TMEM178A: variants seen among roughly 807,000 people sequenced by gnomAD.
The protein encoded by TMEM178A is transmembrane protein 178A, also known as transmembrane protein 178.
A neutral mutation model predicts 29.1 loss-of-function variants in TMEM178A; 12 were observed. The observed-to-expected ratio is 0.41, with a 90% CI of 0.26 to 0.67. The LOEUF is 0.67. Ranked by LOEUF, TMEM178A falls within the 30% of genes least tolerant of loss-of-function variation. The pLI is 0.29. For synonymous variants in TMEM178A, 210 were observed against 187.2 expected (o/e 1.12, Z -0.99); for missense variants, 366 against 419.1 (o/e 0.87, Z 1.11).
chr2:39,705,440 T>C (rs1671982636), intron 2 of TMEM178A, among the ~76,000 whole-genome samples: 1 of 152,216 alleles, frequency 6.6e-6, no homozygotes, highest in South Asian at 2.1e-4. Flanking sequence ...GGCTGTAAGA[T>C]AATGGTGACT....
chr2:39,696,089 A>G (rs1162411846), intron 1 of TMEM178A, among the ~76,000 whole-genome samples: 1 of 152,178 alleles, frequency 6.6e-6, no homozygotes, highest in African/African-American at 2.4e-5. Flanking sequence ...CTGATGGGCA[A>G]CTGAGACTCC....
At chr2:39,729,440 CTTGG>C in the TMEM178A span, among the ~76,000 whole-genome samples, 1 of 152,168 alleles carries the variant, frequency 6.6e-6, no homozygotes, top group Non-Finnish European at 1.5e-5. Flanking sequence ...TGGTTTCTGC[CTTGG>C]AGAGGTGGGA....
intron 1 of TMEM178A, among the ~76,000 whole-genome samples, chr2:39,680,478 C>T (rs1013562064): frequency 2.0e-5 from 3 of 152,120 alleles, no homozygotes; most frequent in South Asian, 2.1e-4. Context: ...ACTTTTCTAT[C>T]GTTTCAGGAA....
chr2:39,670,664 T>C lies in TMEM178A; in HGVS notation c.400+4290T>C, dbSNP rs150989457. On this transcript the variant is annotated intron_variant, in intron 1 of 3. Transcript: ENST00000281961. Reference sequence around the variant, plus strand: ...ACAGGACAGATGGAAGCAGACTCAGTTGGAAACATTATGTAATGCTTCTTT... The same window carrying C: ...ACAGGACAGATGGAAGCAGACTCAGCTGGAAACATTATGTAATGCTTCTTT... Among the ~76,000 whole-genome samples, 405 of 152,346 alleles carry C rather than the reference T, an allele frequency of 2.7e-3. 1 individual carries two copies. Among genetic ancestry groups the C allele is most frequent in the African/African-American group, 9.4e-3 (392 of 41,574 alleles).
intron 1 of TMEM178A, among the ~76,000 whole-genome samples, chr2:39,703,080 A>G (rs745349143): frequency 6.6e-6 from 1 of 152,166 alleles, no homozygotes; most frequent in African/African-American, 2.4e-5. Flanking sequence ...TCACCTTTAT[A>G]TGCACTCAGA....
rs958542896 is a variant in TMEM178A, at chr2:39,665,945, C to T, written c.-30C>T. ...TTGTGTCTGGCGGCGGCGCGCGAGCCCACCGGCGGCTGCGGCGGGGCGGGA... is the reference window on the plus strand; with the variant it reads ...TTGTGTCTGGCGGCGGCGCGCGAGCTCACCGGCGGCTGCGGCGGGGCGGGA... On this transcript the variant is annotated 5_prime_UTR_variant, in exon 1 of 4. Transcript: ENST00000281961. The T allele has an allele frequency of 3.7e-6, 5 of 1,343,654 alleles. No homozygotes were observed. The African/African-American group carries it at 7.7e-5, about 21-fold the overall frequency. 83.2% of individuals were successfully genotyped at this position (1,343,654 alleles called of 1,614,324 possible).
intron 1 of TMEM178A, among the ~76,000 whole-genome samples, chr2:39,688,512 A>G (rs1435133046): frequency 6.6e-6 from 1 of 152,256 alleles, no homozygotes; most frequent in East Asian, 1.9e-4. Flanking sequence ...GGTGAGTGCC[A>G]TCCTCAACTC....
chr2:39,668,615 G>A (rs1670278905), intron 1 of TMEM178A, among the ~76,000 whole-genome samples: 1 of 152,190 alleles, frequency 6.6e-6, no homozygotes, highest in Admixed American at 6.5e-5. Context: ...TGTAAATTTA[G>A]CTTCTTGCAA....
At chr2:39,688,810 A>G (rs1261735837) in intron 1 of TMEM178A, among the ~76,000 whole-genome samples, 2 of 152,250 alleles carry the variant, frequency 1.3e-5, no homozygotes, top group African/African-American at 2.4e-5. Flanking sequence ...CGAGCCAGCT[A>G]TAGAACAGAT....
intron 2 of TMEM178A, 47 bp downstream of exon 2, chr2:39,704,241 A>G: frequency 1.3e-6 from 2 of 1,534,726 alleles, no homozygotes; most frequent in Non-Finnish European, 1.8e-6. Context: ...TGTCATTCTG[A>G]ACAAAATTCC....
downstream of TMEM178A, among the ~76,000 whole-genome samples, chr2:39,718,614 G>A (rs1022352527): frequency 1.3e-5 from 2 of 152,140 alleles, no homozygotes; most frequent in African/African-American, 4.8e-5. Flanking sequence ...CCTCTCCAAA[G>A]CTCTATGAGG....
At chr2:39,732,822 C>T in the TMEM178A span, among the ~76,000 whole-genome samples, 3 of 152,268 alleles carry the variant, frequency 2.0e-5, no homozygotes, top group African/African-American at 7.2e-5. Flanking sequence ...TAGCCCAGGC[C>T]TCAATTAACA....
At chr2:39,676,209 A>G (rs1670616904) in intron 1 of TMEM178A, among the ~76,000 whole-genome samples, 2 of 152,352 alleles carry the variant, frequency 1.3e-5, no homozygotes, top group Admixed American at 6.5e-5. Context: ...TTTAAGTGCC[A>G]AATAATAGAA....
chr2:39,703,167 C>T (rs544810936), intron 1 of TMEM178A, among the ~76,000 whole-genome samples: 6 of 152,246 alleles, frequency 3.9e-5, no homozygotes, highest in African/African-American at 1.2e-4. Context: ...CTAACATTCG[C>T]TCATGCCTTT....
chr2:39,711,910 A>T (rs1440737270), intron 3 of TMEM178A, among the ~76,000 whole-genome samples: 1 of 152,190 alleles, frequency 6.6e-6, no homozygotes, highest in Non-Finnish European at 1.5e-5. Flanking sequence ...AAACATACGA[A>T]TATTCACACT....
At chr2:39,688,736 A>G (rs1671186120) in intron 1 of TMEM178A, among the ~76,000 whole-genome samples, 1 of 152,248 alleles carries the variant, frequency 6.6e-6, no homozygotes, top group East Asian at 1.9e-4. Flanking sequence ...TAATCAGTTC[A>G]GTATTTTTTT....
intron 1 of TMEM178A, among the ~76,000 whole-genome samples, chr2:39,701,523 TG>T (rs1465133155): frequency 6.6e-6 from 1 of 152,162 alleles, no homozygotes; most frequent in East Asian, 1.9e-4. Flanking sequence ...TATCTGGGTG[TG>T]GGTCTCTGAG....
chr2:39,724,452 AC>A, the TMEM178A span, among the ~76,000 whole-genome samples: 3 of 152,188 alleles, frequency 2.0e-5, no homozygotes, highest in South Asian at 2.1e-4. Context: ...ACCTCTACAA[AC>A]TTTTATTTCC....
chr2:39,671,712 C>T (rs546905666), intron 1 of TMEM178A, among the ~76,000 whole-genome samples: 1 of 152,206 alleles, frequency 6.6e-6, no homozygotes, highest in South Asian at 2.1e-4. Flanking sequence ...TGTGGTAATA[C>T]ATATATATAA....
Sources: allele counts gnomAD v4.1 joint callset (sites outside exome capture counted in the v4.1 genomes callset), GRCh38; gene constraint gnomAD v4.1.1; transcripts MANE v1.5; gene names NCBI Gene and HGNC (gene_info 2026-07-23, HGNC 2026-07-21).